Variants in SORCS1 observed in about 807,000 individuals in gnomAD.
SORCS1 encodes VPS10 domain-containing receptor SorCS1.
Under a neutral mutation model 146.1 loss-of-function variants are expected in SORCS1, and 60 were observed. That is an observed-to-expected ratio of 0.41 (90% CI 0.33 to 0.51). The LOEUF (loss-of-function observed/expected upper bound fraction) is 0.51, where lower values mean the gene tolerates loss of function less well. Among genes scored for constraint, SORCS1 ranks in the 20% least tolerant of loss-of-function variants. The probability of loss-of-function intolerance (pLI) is 0.21; values close to 1 mark genes in which losing one functional copy is unlikely to be tolerated. For synonymous variants in SORCS1, 637 were observed against 584.0 expected (o/e 1.09, Z -1.31); for missense variants, 1,352 against 1,487.6 (o/e 0.91, Z 1.50).
chr10:107,167,689 G>T (rs1021063477), upstream of SORCS1, among the ~76,000 whole-genome samples: 15 of 152,002 alleles, frequency 9.9e-5, no homozygotes, highest in African/African-American at 3.4e-4. Context: ...GATATATTTA[G>T]TTTTAATCAG....
chr10:106,929,225 C>A (rs901196555), intron 2 of SORCS1, among the ~76,000 whole-genome samples: 1 of 150,752 alleles, frequency 6.6e-6, no homozygotes, highest in African/African-American at 2.4e-5. Flanking sequence ...AATTTTTCCC[C>A]AGAACAAATG....
intron 18 of SORCS1, among the ~76,000 whole-genome samples, chr10:106,631,982 G>C (rs1346046596): frequency 2.0e-5 from 3 of 152,162 alleles, no homozygotes; most frequent in African/African-American, 7.2e-5. Flanking sequence ...ATGGGTGAAA[G>C]GATGGAGCTA....
At chr10:107,031,605 T>G (rs1472385711) in intron 1 of SORCS1, among the ~76,000 whole-genome samples, 1 of 152,098 alleles carries the variant, frequency 6.6e-6, no homozygotes, top group Non-Finnish European at 1.5e-5. Flanking sequence ...ATCTCTCTTT[T>G]TTTTTTTTGG....
At chr10:106,836,516 C>T (rs1948796823) in intron 2 of SORCS1, among the ~76,000 whole-genome samples, 1 of 149,650 alleles carries the variant, frequency 6.7e-6, no homozygotes, top group South Asian at 2.1e-4. Flanking sequence ...GTGCTGAGTG[C>T]GCACTGGCCA....
intron 2 of SORCS1, among the ~76,000 whole-genome samples, chr10:106,953,491 T>C (rs1441439392): frequency 1.3e-5 from 2 of 151,510 alleles, no homozygotes; most frequent in African/African-American, 4.8e-5. Flanking sequence ...AATTAACAGA[T>C]CTAAAACCCA....
rs187966348 is a variant in SORCS1 at position 107,125,905 on chromosome 10, G to C, written c.558+38064C>G. On this transcript the variant is annotated intron_variant, in intron 1 of 25. Transcript: ENST00000263054. Reference sequence around the variant, plus strand: ...ATTATGGGAAATGCTTCAGGTCCCAGAAGAAATGCTACCAATGCTTGTAAA... The same window carrying C: ...ATTATGGGAAATGCTTCAGGTCCCACAAGAAATGCTACCAATGCTTGTAAA... Among the ~76,000 whole-genome samples, 9 of 152,318 alleles carry C rather than the reference G, an allele frequency of 5.9e-5. No homozygotes were observed. The East Asian group carries it at 1.7e-3, about 29-fold the overall frequency.
chr10:107,165,513 A>G (rs1970023636), upstream of SORCS1, among the ~76,000 whole-genome samples: 1 of 152,170 alleles, frequency 6.6e-6, no homozygotes, highest in South Asian at 2.1e-4. The surrounding 1 kb of genome is among the most constrained non-coding windows in gnomAD (Gnocchi z 4.0). Flanking sequence ...TGAGGACAGG[A>G]AGATCAAATT....
At chr10:106,886,204 G>A (rs1182394157) in intron 2 of SORCS1, among the ~76,000 whole-genome samples, 2 of 152,190 alleles carry the variant, frequency 1.3e-5, no homozygotes, top group Non-Finnish European at 2.9e-5. Flanking sequence ...GGAGGCTGCT[G>A]TGAGCCAAGA....
chr10:106,872,793 AT>A lies in SORCS1; in HGVS notation c.627-43121del, dbSNP rs894425647. Among the ~76,000 whole-genome samples, 16 of 152,312 alleles carry A rather than the reference AT, an allele frequency of 1.1e-4. No homozygotes were observed. The East Asian group carries it at 3.1e-3, about 29-fold the overall frequency. ...AGAAATTTATCATTATCTTGAATCT[AT>A]TTATCTTAAATCTCAAGGGAAGAAA... On this transcript the variant is annotated intron_variant, in intron 2 of 25. Coordinates refer to ENST00000263054, the MANE Select transcript of SORCS1 (RefSeq NM_052918.5).
chr10:106,908,436 G>A (rs1023718361), intron 2 of SORCS1, among the ~76,000 whole-genome samples: 5 of 152,136 alleles, frequency 3.3e-5, no homozygotes, highest in African/African-American at 4.8e-5. Context: ...GGAGCCCTCC[G>A]CTGGATCCTC....
intron 1 of SORCS1, among the ~76,000 whole-genome samples, chr10:106,982,055 C>T (rs1488621953): frequency 6.6e-6 from 1 of 152,166 alleles, no homozygotes; most frequent in African/African-American, 2.4e-5. Flanking sequence ...TTAGCCGAGG[C>T]ACAGTAATTA....
At chr10:106,816,304 T>A (rs1947738477) in intron 3 of SORCS1, among the ~76,000 whole-genome samples, 1 of 152,240 alleles carries the variant, frequency 6.6e-6, no homozygotes, top group South Asian at 2.1e-4. Flanking sequence ...GACAAACTAG[T>A]TCTGGCTCCA....
At chr10:106,776,770 T>G (rs535518820) in intron 3 of SORCS1, 78 bp from the exon 4 acceptor site, 45 of 1,523,724 alleles carry the variant, frequency 3.0e-5, no homozygotes, top group Non-Finnish European at 3.8e-5. Flanking sequence ...AATTAGCTAA[T>G]TTTTGACAAG....
intron 1 of SORCS1, among the ~76,000 whole-genome samples, chr10:106,963,178 C>T (rs904241168): frequency 2.4e-5 from 3 of 127,276 alleles, no homozygotes; most frequent in Admixed American, 1.0e-4. Context: ...TGCAGTGGCA[C>T]GATCTCGGCT....
chr10:106,840,897 C>G (rs1456604561), intron 2 of SORCS1, among the ~76,000 whole-genome samples: 1 of 148,186 alleles, frequency 6.7e-6, no homozygotes, highest in East Asian at 2.0e-4. Context: ...TGCTCTGTCG[C>G]CAGGCTGGAG....
chr10:106,946,794 T>C (rs1262495218), intron 2 of SORCS1, among the ~76,000 whole-genome samples: 1 of 152,190 alleles, frequency 6.6e-6, no homozygotes, highest in Non-Finnish European at 1.5e-5. Flanking sequence ...AGATTTGGGG[T>C]TTCTGTAGGA....
chr10:106,853,995 A>T (rs1223650646), intron 2 of SORCS1, among the ~76,000 whole-genome samples: 1 of 151,818 alleles, frequency 6.6e-6, no homozygotes, highest in Non-Finnish European at 1.5e-5. Flanking sequence ...GTTGAGTTCA[A>T]ATATGTCCTT....
chr10:106,842,481 ACCT>A (rs1051567333), intron 2 of SORCS1, among the ~76,000 whole-genome samples: 159 of 152,070 alleles, frequency 1.0e-3, no homozygotes, highest in Middle Eastern at 3.4e-3. Flanking sequence ...TGATCTGCCC[ACCT>A]CAGCCTCCCA....
In SORCS1 at chr10:106,577,414, T is replaced by C; in HGVS notation, c.*6A>G. The C allele has an allele frequency of 6.2e-7, 1 of 1,613,554 alleles. No individual in the cohort carries two copies. The highest frequency in any genetic ancestry group is 1.1e-5 in the South Asian group (1 of 91,072). ...GCAGGTCGCCTGTAGCCTTTGGGGG[T>C]TTTCCTTAAATTGCATACTGTGCCC... On this transcript the variant is annotated 3_prime_UTR_variant, in exon 26 of 26. Coordinates refer to ENST00000263054, the MANE Select transcript of SORCS1 (RefSeq NM_052918.5).
Sources: gnomAD v4.1 joint callset for allele counts (sites outside exome capture counted in the v4.1 genomes callset) on GRCh38, gnomAD v4.1.1 for gene constraint, Gnocchi (gnomAD v3.1) non-coding constraint, MANE v1.5 for transcripts, NCBI Gene and HGNC (gene_info 2026-07-23, HGNC 2026-07-21) for gene names.